Variants in RC3H2 observed in about 807,000 individuals in gnomAD.
The protein encoded by RC3H2 is ring finger and CCCH-type domains 2.
In RC3H2, 31 loss-of-function variants were observed where a neutral mutation model predicts 133.3. That is an observed-to-expected ratio of 0.23 (90% confidence interval 0.17 to 0.31). RC3H2 has a LOEUF of 0.31. RC3H2 is among the 10% of genes least tolerant of loss of function. The pLI is 1.00. For synonymous variants in RC3H2, 517 were observed against 502.2 expected, an observed-to-expected ratio of 1.03 and a Z score of -0.40; for missense variants, 1,175 against 1,437.2, an observed-to-expected ratio of 0.82 and a Z score of 2.95.
intron 9 of RC3H2, chr9:122,875,096 A>C (rs1831274046): frequency 7.3e-7 from 1 of 1,372,792 alleles, no homozygotes; most frequent in South Asian, 2.0e-5. Context: ...GAGTCTCCCA[A>C]ATTATCTTGA....
chr9:122,865,696 C>A, intron 9 of RC3H2, 39 bp from the exon 10 acceptor site: 1 of 1,563,802 alleles, frequency 6.4e-7, no homozygotes, highest in Admixed American at 1.7e-5. Flanking sequence ...GAATATTTCA[C>A]TAAATCTTAC....
At chr9:122,880,892 A>G (rs1157069389) in intron 5 of RC3H2, 98 bp from the exon 6 acceptor site, 11 of 788,768 alleles carry the variant, frequency 1.4e-5, no homozygotes, top group Middle Eastern at 2.8e-4. Context: ...GGATACTTAC[A>G]TATCAGACAC....
chr9:122,853,976 C>T lies in RC3H2; in HGVS notation c.3093G>A (p.Lys1031=), dbSNP rs1440986959. Reference sequence around the variant, plus strand: ...CCTCTCCATTTCTTAGTTCAATTTCCTTGCTTAAAAGGTTTAAGGTAAGGT... The same window carrying T: ...CCTCTCCATTTCTTAGTTCAATTTCTTTGCTTAAAAGGTTTAAGGTAAGGT... ...GRHLTLNLLS[K]EIELRNGELQ... is the part of the protein sequence containing the mutation. The change falls in exon 18 of 21, where the codon AAG becomes AAA. Residue 1031 remains lysine, a synonymous_variant. Transcript: ENST00000357244. The T allele has an allele frequency of 1.5e-5, 24 of 1,614,180 alleles. No homozygotes were observed. Among genetic ancestry groups the T allele is most frequent in the Non-Finnish European group, 2.0e-5 (24 of 1,180,020 alleles).
At chr9:122,880,459 A>G (rs1831569386) in intron 6 of RC3H2, 135 bp downstream of exon 6, 1 of 755,836 alleles carries the variant, frequency 1.3e-6, no homozygotes, top group Admixed American at 2.8e-5. Flanking sequence ...AAAAGAAAAT[A>G]AGGATAATTT....
At chr9:122,884,549 C>T (rs1327433732) in intron 4 of RC3H2, among the ~76,000 whole-genome samples, 1 of 151,856 alleles carries the variant, frequency 6.6e-6, no homozygotes, top group Admixed American at 6.6e-5. Flanking sequence ...ATCAGACAAA[C>T]CTAAATTAAG....
rs1403087505 is a variant in RC3H2, at chr9:122,849,157, A to G, written c.*470T>C. The stretch of plus-strand genomic sequence containing the variant: ...ATGCAAAGTTCCATGAAAAAGATAA[A>G]TAAAGCAGCTGGAATGAGATGGAAA... On this transcript the variant is annotated 3_prime_UTR_variant, in exon 21 of 21. Transcript: ENST00000357244. 6.6e-6 allele frequency: 1 copy of G among 152,148 alleles called. No homozygotes were observed. The highest frequency in any genetic ancestry group is 2.4e-5 in the African/African-American group (1 of 41,450). 9.4% of individuals were successfully genotyped at this position (152,148 alleles called of 1,614,324 possible).
At chr9:122,879,014 C>T (rs1407448293) in intron 8 of RC3H2, among the ~76,000 whole-genome samples, 4 of 150,932 alleles carry the variant, frequency 2.7e-5, no homozygotes, top group Admixed American at 2.6e-4. Flanking sequence ...ACCTCAACCT[C>T]CCAAAGTGCT....
intron 9 of RC3H2, chr9:122,875,275 A>G: frequency 6.4e-7 from 1 of 1,550,866 alleles, no homozygotes; most frequent in Non-Finnish European, 8.7e-7. Flanking sequence ...CTCTATCACA[A>G]TGCTGCTGCT....
intron 18 of RC3H2, chr9:122,851,653 C>A (rs559295595): frequency 5.5e-6 from 3 of 542,218 alleles, no homozygotes; most frequent in Admixed American, 3.4e-5. Context: ...CGCGCCGCCA[C>A]GCCTGACTGG....
chr9:122,865,991 T>C (rs1433431430), intron 9 of RC3H2, among the ~76,000 whole-genome samples: 1 of 152,140 alleles, frequency 6.6e-6, no homozygotes, highest in Non-Finnish European at 1.5e-5. Flanking sequence ...AAATTTTGTA[T>C]AACTAGAATA....
intron 19 of RC3H2, 44 bp from the exon 20 acceptor site, chr9:122,851,273 T>C: frequency 6.2e-7 from 1 of 1,612,048 alleles, no homozygotes; most frequent in Non-Finnish European, 8.5e-7. Context: ...AAGTATTTTA[T>C]AAATTTTCAA....
At position 122,880,100 on chromosome 9, in the gene RC3H2, T is replaced by C; in HGVS notation, c.986A>G (p.Lys329Arg). ...DKLQSPESFAKSVQELTIVLQ... is the reference protein window; with the variant it reads ...DKLQSPESFARSVQELTIVLQ... ...AACAATTGTCAATTCCTGGACACTC[T>C]TTGCAAATGACTCTGGAGACTGTAG... The change falls in exon 7 of 21, where the codon AAG (lysine) becomes AGG (arginine). Residue 329 changes from lysine to arginine, a missense_variant. Physicochemically the swap from Lys to Arg is conservative, Grantham distance 26 (BLOSUM62 2). Around this residue, in one of 8 missense-constraint regions of RC3H2, gnomAD observed 131 missense variants for 154.2 expected, o/e 0.85. Transcript: ENST00000357244. The C allele has an allele frequency of 6.2e-7, 1 of 1,614,198 alleles. No individual in the cohort carries two copies. The highest frequency in any genetic ancestry group is 1.1e-5 in the South Asian group (1 of 91,080).
At chr9:122,904,633 G>A (rs1832771749) in intron 1 of RC3H2, among the ~76,000 whole-genome samples, 1 of 152,158 alleles carries the variant, frequency 6.6e-6, no homozygotes, top group Non-Finnish European at 1.5e-5. Flanking sequence ...GGGAGGTTAA[G>A]CCCTCCCAGG....
intron 2 of RC3H2, among the ~76,000 whole-genome samples, chr9:122,895,030 T>C (rs1832358529): frequency 6.6e-6 from 1 of 152,086 alleles, no homozygotes; most frequent in South Asian, 2.1e-4. Flanking sequence ...AGAACAGTAG[T>C]AAAAGAGATA....
At chr9:122,896,238 T>C (rs1317712956) in intron 2 of RC3H2, among the ~76,000 whole-genome samples, 1 of 152,132 alleles carries the variant, frequency 6.6e-6, no homozygotes, top group Non-Finnish European at 1.5e-5. Context: ...GAAGAAATCA[T>C]GGAGAATTTA....
At chr9:122,883,908 A>C (rs1202353278) in intron 4 of RC3H2, among the ~76,000 whole-genome samples, 1 of 152,084 alleles carries the variant, frequency 6.6e-6, no homozygotes, top group African/African-American at 2.4e-5. Context: ...GTGGAGGATC[A>C]CTTGAGCCCA....
Position 122,853,983 on chromosome 9 carries a change from A to G in RC3H2, c.3086T>C (p.Leu1029Ser), listed in dbSNP as rs1830150471. 3 of 1,614,108 alleles carry G rather than the reference A, an allele frequency of 1.9e-6. No homozygotes were observed. The East Asian group carries it at 6.7e-5, about 36-fold the overall frequency. ...DEGRHLTLNLLSKEIELRNGE... is the reference protein window; with the variant it reads ...DEGRHLTLNLSSKEIELRNGE... ...ATTTCTTAGTTCAATTTCCTTGCTT[A>G]AAAGGTTTAAGGTAAGGTGACGGCC... Residue 1029 changes from leucine to serine, a missense_variant, in exon 18 of 21, where the codon TTA becomes TCA. Leu to Ser is a moderately radical substitution (Grantham distance 145). This residue lies in a region of RC3H2 where 220 missense variants were observed against 201.1 expected (regional missense o/e 1.09). Transcript: ENST00000357244.
chr9:122,865,821 C>T (rs1830623180), intron 9 of RC3H2, among the ~76,000 whole-genome samples, 164 bp from the exon 10 acceptor site: 1 of 152,122 alleles, frequency 6.6e-6, no homozygotes, highest in Admixed American at 6.5e-5. Context: ...AATTCTACTG[C>T]AACAGATGCC....
Position 122,858,978 on chromosome 9 carries a change from G to A in RC3H2, c.1974C>T (p.Tyr658=). ...PPASMPYADH[Y]STFSPRDRMN... ...TTCGATCTCGAGGGGAAAATGTACT[G>A]TAATGATCGGCATATGGCATGGAAG... Residue 658 remains tyrosine, a synonymous_variant, in exon 12 of 21, where the codon TAC becomes TAT. Transcript: ENST00000357244. 6.2e-7 allele frequency: 1 copy of A among 1,614,190 alleles called. No individual in the cohort carries two copies. Among genetic ancestry groups the A allele is most frequent in the Non-Finnish European group, 8.5e-7 (1 of 1,180,020 alleles).
Sources: allele counts gnomAD v4.1 joint callset (sites outside exome capture counted in the v4.1 genomes callset), GRCh38; gene constraint gnomAD v4.1.1; regional missense constraint gnomAD v4.1.1; transcripts MANE v1.5; gene names NCBI Gene and HGNC (gene_info 2026-07-23, HGNC 2026-07-21).